Variants in SDK1 observed in about 807,000 individuals in gnomAD.
SDK1 encodes sidekick cell adhesion molecule 1.
In SDK1, 157 loss-of-function variants were observed where a neutral mutation model predicts 245.5. The ratio of observed to expected loss-of-function variants is 0.64; its 90% CI spans 0.56 to 0.73. The LOEUF (loss-of-function observed/expected upper bound fraction) is 0.73. Among genes scored for constraint, SDK1 ranks in the 30% least tolerant of loss-of-function variants. The pLI, the probability that SDK1 is intolerant of heterozygous loss-of-function variation, is 0.00. For missense variants in SDK1, 3,583 were observed against 3,002.3 expected, an observed-to-expected ratio of 1.19 and a Z score of -4.52; for synonymous variants, 1,647 against 1,278.5, an observed-to-expected ratio of 1.29 and a Z score of -6.15.
chr7:3,635,258 A>T lies in SDK1; in HGVS notation c.459-3746A>T, dbSNP rs564904171. ...TAAAAGAATAAAAATTTTAAGATTA[A>T]AACTCAACAATATTTTTTCTCTTTA... On this transcript the variant is annotated intron_variant, in intron 2 of 44. Transcript: ENST00000404826. Among the ~76,000 whole-genome samples, 12 of 152,372 alleles carry T rather than the reference A, an allele frequency of 7.9e-5. No individual in the cohort carries two copies. The South Asian group carries it at 1.5e-3, about 18-fold the overall frequency.
In SDK1 at chr7:3,629,393, G is replaced by A. The variant is rs566961307; in HGVS notation, c.459-9611G>A. On this transcript the variant is annotated intron_variant, in intron 2 of 44. Coordinates refer to ENST00000404826, the MANE Select transcript of SDK1 (RefSeq NM_152744.4). ...CCAGAGGGTCCCCCTTTAATATTTG[G>A]CAGAATATTCGTCAGCACATTCATG... 3.3e-5 allele frequency among the ~76,000 whole-genome samples: 5 copies of A among 152,206 alleles called. No individual in the cohort carries two copies. The South Asian group carries it at 1.0e-3, about 32-fold the overall frequency.
At chr7:3,559,311 C>G (rs1285982548) in intron 1 of SDK1, among the ~76,000 whole-genome samples, 4 of 152,030 alleles carry the variant, frequency 2.6e-5, no homozygotes, top group African/African-American at 9.7e-5. Flanking sequence ...TCTGCTGTTT[C>G]CTTTGTGAAA....
intron 5 of SDK1, among the ~76,000 whole-genome samples, chr7:3,871,427 A>G (rs1031182309): frequency 1.4e-5 from 2 of 143,772 alleles, no homozygotes; most frequent in Non-Finnish European, 1.5e-5. Context: ...AGGACTGAAT[A>G]GACTGTAGTA....
chr7:3,406,234 C>T (rs886519945), intron 1 of SDK1, among the ~76,000 whole-genome samples: 6 of 152,302 alleles, frequency 3.9e-5, no homozygotes, highest in South Asian at 2.1e-4. Context: ...CTCTCTGATC[C>T]GCCCTTGGCA....
intron 4 of SDK1, among the ~76,000 whole-genome samples, chr7:3,699,271 G>C (rs1228920492): frequency 6.6e-6 from 1 of 152,138 alleles, no homozygotes; most frequent in Non-Finnish European, 1.5e-5. Context: ...AATGAGGAAA[G>C]ACAAGAAACA....
chr7:4,179,910 C>A (rs1782490939), intron 35 of SDK1, among the ~76,000 whole-genome samples: 1 of 151,888 alleles, frequency 6.6e-6, no homozygotes, highest in Admixed American at 6.6e-5. Flanking sequence ...GGGCCGGGAA[C>A]TACAGTGTCT....
rs567940817 is a variant in SDK1, at chr7:4,257,151, C to T, written c.6382-7973C>T. Among the ~76,000 whole-genome samples, 131 of 152,330 alleles carry T rather than the reference C, an allele frequency of 8.6e-4. 1 individual carries two copies. The highest frequency in any genetic ancestry group is 1.6e-3 in the Non-Finnish European group (111 of 68,034). On this transcript the variant is annotated intron_variant, in intron 44 of 44. Coordinates refer to ENST00000404826, the MANE Select transcript of SDK1 (RefSeq NM_152744.4). ...CTGTTTTCAAAATCCCTCCTGCTCCCACCAGCTTAGACCAACCCCATCGTA... is the reference window on the plus strand; with the variant it reads ...CTGTTTTCAAAATCCCTCCTGCTCCTACCAGCTTAGACCAACCCCATCGTA...
In SDK1 at chr7:4,079,507, C is replaced by G; in HGVS notation, c.3247C>G (p.Pro1083Ala). The change falls in exon 22 of 45, where the codon CCT becomes GCT. Residue 1083 changes from proline to alanine, a missense_variant. Coordinates refer to ENST00000404826, the MANE Select transcript of SDK1 (RefSeq NM_152744.4). ...PSNLVISNIS[P>A]RSATLQFRPG... is the part of the protein sequence containing the mutation. ...CAACCTGGTCATTTCCAACATCAGC[C>G]CTCGCTCCGCCACCCTTCAGTTCCG... is the stretch of plus-strand genomic sequence containing the variant. 6.2e-7 allele frequency: 1 copy of G among 1,614,234 alleles called. No homozygotes were observed. The highest frequency in any genetic ancestry group is 8.5e-7 in the Non-Finnish European group (1 of 1,180,044).
At chr7:3,788,715 G>C (rs1308431652) in intron 4 of SDK1, among the ~76,000 whole-genome samples, 1 of 152,306 alleles carries the variant, frequency 6.6e-6, no homozygotes, top group Admixed American at 6.5e-5. Flanking sequence ...TTTGTGTTGG[G>C]CTGTGTTCAA....
At chr7:4,193,095 T>A (rs1430500953) in intron 35 of SDK1, among the ~76,000 whole-genome samples, 1 of 136,240 alleles carries the variant, frequency 7.3e-6, no homozygotes, top group East Asian at 2.0e-4. Flanking sequence ...TACAAATGTA[T>A]ATATAATATA....
At chr7:3,306,554 G>T (rs186790237) in intron 1 of SDK1, among the ~76,000 whole-genome samples, 38 of 152,308 alleles carry the variant, frequency 2.5e-4, no homozygotes, top group Middle Eastern at 6.8e-3. Flanking sequence ...CACATTTTAT[G>T]TAAACAGTTA....
intron 1 of SDK1, among the ~76,000 whole-genome samples, chr7:3,559,358 G>C (rs1375498390): frequency 6.6e-6 from 1 of 152,076 alleles, no homozygotes; most frequent in Non-Finnish European, 1.5e-5. Flanking sequence ...TATGCAGCAT[G>C]GTGTTTATGA....
chr7:3,502,119 G>A (rs1583960949), intron 1 of SDK1, among the ~76,000 whole-genome samples: 1 of 152,092 alleles, frequency 6.6e-6, no homozygotes, highest in East Asian at 1.9e-4. Flanking sequence ...TTAGACAAAC[G>A]TGTGAGTTAG....
At chr7:3,303,765 G>T (rs898723507) in intron 1 of SDK1, among the ~76,000 whole-genome samples, 12 of 151,798 alleles carry the variant, frequency 7.9e-5, no homozygotes, top group African/African-American at 2.7e-4. Flanking sequence ...TTTTTATATC[G>T]TATTGAAAAT....
At chr7:3,966,866 G>A (rs1459297185) in intron 9 of SDK1, among the ~76,000 whole-genome samples, 1 of 151,892 alleles carries the variant, frequency 6.6e-6, no homozygotes. Context: ...TTCATTTTTG[G>A]TAGAGACAGG....
chr7:4,178,018 G>A (rs952192364), intron 34 of SDK1, among the ~76,000 whole-genome samples: 2 of 142,906 alleles, frequency 1.4e-5, no homozygotes, highest in Non-Finnish European at 3.1e-5. Flanking sequence ...TCCCAATAGG[G>A]TTTGCACTTC....
intron 2 of SDK1, among the ~76,000 whole-genome samples, chr7:3,627,836 T>A (rs1247090226): frequency 1.3e-5 from 2 of 152,136 alleles, no homozygotes; most frequent in Non-Finnish European, 2.9e-5. Context: ...ATATAAAAAA[T>A]CCACATATTA....
chr7:3,555,879 C>A (rs1024438703), intron 1 of SDK1, among the ~76,000 whole-genome samples: 1 of 152,116 alleles, frequency 6.6e-6, no homozygotes, highest in African/African-American at 2.4e-5. Context: ...TCATCTCACT[C>A]CAGTTAAAAT....
chr7:3,556,203 G>C (rs985234337), intron 1 of SDK1, among the ~76,000 whole-genome samples: 1 of 145,232 alleles, frequency 6.9e-6, no homozygotes, highest in South Asian at 2.3e-4. Flanking sequence ...AAGAAAATGT[G>C]ATACATATAC....
Sources: allele counts gnomAD v4.1 joint callset (sites outside exome capture counted in the v4.1 genomes callset), GRCh38; gene constraint gnomAD v4.1.1; transcripts MANE v1.5; gene names NCBI Gene and HGNC (gene_info 2026-07-23, HGNC 2026-07-21).